NFAT5: variants seen among roughly 807,000 people sequenced by gnomAD.
NFAT5 encodes the protein nuclear factor of activated T-cells 5.
NFAT5 carries 31 observed loss-of-function variants against 166.5 expected under a neutral mutation model. That is an observed-to-expected ratio of 0.19 (90% confidence interval 0.14 to 0.25). The LOEUF (loss-of-function observed/expected upper bound fraction) is 0.25. Ranked by LOEUF, NFAT5 falls within the 10% of genes least tolerant of loss-of-function variation. NFAT5 has a pLI of 1.00. For missense variants in NFAT5, 1,449 were observed against 1,821.8 expected (o/e 0.80, Z 3.72); for synonymous variants, 612 against 639.7 (o/e 0.96, Z 0.65).
chr16:69,625,578 AT>A (rs1412394254), intron 2 of NFAT5, among the ~76,000 whole-genome samples: 1 of 150,376 alleles, frequency 6.6e-6, no homozygotes, highest in African/African-American at 2.4e-5. Flanking sequence ...CTTTGATTAG[AT>A]TGATTTATTT....
chr16:69,585,617 T>C (rs2032006776), intron 2 of NFAT5, among the ~76,000 whole-genome samples: 1 of 152,132 alleles, frequency 6.6e-6, no homozygotes, highest in African/African-American at 2.4e-5. Flanking sequence ...CAAAATGTGG[T>C]ATATAAGTAC....
chr16:69,690,824 C>T lies in NFAT5; in HGVS notation c.1775-116C>T, dbSNP rs2037516364. 3.8e-6 allele frequency: 3 copies of T among 792,702 alleles called. No individual in the cohort carries two copies. The South Asian group carries it at 7.8e-5, about 21-fold the overall frequency. The allele number at this position is 792,702 out of a possible 1,614,324, so 49.1% of individuals were successfully genotyped here. A position where few individuals can be genotyped will look rare whatever the true frequency, so the allele number is the denominator to read the frequency against. On this transcript the variant is annotated intron_variant, in intron 11 of 14. Transcript: ENST00000349945. ...ATACCAGGTTTGTATCTCATGCTAC[C>T]ATTGTAGCATCAAAAAAATAGACAT...
chr16:69,619,001 T>C (rs2034082385), intron 2 of NFAT5, among the ~76,000 whole-genome samples: 1 of 152,224 alleles, frequency 6.6e-6, no homozygotes. Flanking sequence ...TTTACGGAGC[T>C]TTTTTCCCCG....
chr16:69,648,644 G>T, intron 4 of NFAT5: 1 of 970,450 alleles, frequency 1.0e-6, no homozygotes. Context: ...AATTCCTTTA[G>T]TAATTTTATT....
intron 2 of NFAT5, among the ~76,000 whole-genome samples, chr16:69,595,073 T>C (rs1260189405): frequency 6.6e-6 from 1 of 152,188 alleles, no homozygotes; most frequent in African/African-American, 2.4e-5. Flanking sequence ...CCCAGTCCAC[T>C]GACTCAAATG....
intron 4 of NFAT5, among the ~76,000 whole-genome samples, chr16:69,648,031 C>T (rs1020197698): frequency 1.3e-5 from 2 of 151,806 alleles, no homozygotes; most frequent in South Asian, 2.1e-4. Flanking sequence ...AAAAATTAGC[C>T]GGGCATTGTG....
At chr16:69,596,418 G>T (rs555656609) in intron 2 of NFAT5, among the ~76,000 whole-genome samples, 1 of 152,172 alleles carries the variant, frequency 6.6e-6, no homozygotes, top group East Asian at 1.9e-4. Context: ...AGAAGAGCTA[G>T]TCTTAAAAAA....
At position 69,655,758 on chromosome 16, in the gene NFAT5, T is replaced by C. The variant is rs1197842605; in HGVS notation, c.1155T>C (p.Val385=). The change falls in exon 6 of 15, where the codon GTT becomes GTC. Residue 385 remains valine (V), a synonymous_variant. Transcript: ENST00000349945. The part of the protein sequence containing the change: ...CKEVDIEGTT[V]IEVGLDPSNN... The stretch of plus-strand genomic sequence containing the variant: ...AAGTGGACATTGAAGGCACTACTGT[T>C]ATAGAAGTCGGCCTTGATCCTAGCA... The C allele has an allele frequency of 1.2e-6, 2 of 1,613,704 alleles. No homozygotes were observed. Among genetic ancestry groups the C allele is most frequent in the Non-Finnish European group, 1.7e-6 (2 of 1,179,842 alleles).
chr16:69,631,573 A>G (rs966577317), intron 3 of NFAT5, among the ~76,000 whole-genome samples: 3 of 152,108 alleles, frequency 2.0e-5, no homozygotes, highest in African/African-American at 7.2e-5. Context: ...TTATATATTA[A>G]TACTCTTTTT....
At chr16:69,586,643 T>A (rs908309584) in intron 2 of NFAT5, among the ~76,000 whole-genome samples, 1 of 152,118 alleles carries the variant, frequency 6.6e-6, no homozygotes, top group African/African-American at 2.4e-5. Flanking sequence ...CCTCAGGTGA[T>A]CTGCCCACCT....
intron 2 of NFAT5, among the ~76,000 whole-genome samples, chr16:69,576,450 A>C (rs975743863): frequency 6.6e-6 from 1 of 152,200 alleles, no homozygotes; most frequent in Non-Finnish European, 1.5e-5. Flanking sequence ...TATAAACTAC[A>C]TACAAAAATT....
chr16:69,615,068 G>C (rs1182804381), intron 2 of NFAT5, among the ~76,000 whole-genome samples: 1 of 148,772 alleles, frequency 6.7e-6, no homozygotes, highest in South Asian at 2.1e-4. Context: ...TTTTGAGATG[G>C]AGTCTCACTG....
intron 2 of NFAT5, among the ~76,000 whole-genome samples, chr16:69,603,104 T>A (rs925405367): frequency 3.1e-4 from 47 of 152,208 alleles, no homozygotes; most frequent in African/African-American, 1.1e-3. Context: ...TTTTATTTTT[T>A]AAAAAAACAG....
At chr16:69,608,605 A>G (rs1341200132) in intron 2 of NFAT5, among the ~76,000 whole-genome samples, 4 of 150,254 alleles carry the variant, frequency 2.7e-5, no homozygotes, top group Non-Finnish European at 5.9e-5. Flanking sequence ...AAATAAGTAT[A>G]TTGAAAATTA....
At chr16:69,627,713 GT>G (rs1183014782) in intron 3 of NFAT5, among the ~76,000 whole-genome samples, 3 of 152,146 alleles carry the variant, frequency 2.0e-5, no homozygotes, top group Admixed American at 6.5e-5. Flanking sequence ...CCTGTTCACT[GT>G]TCATGTGTTG....
Position 69,655,756 on chromosome 16 carries a change from G to GT in NFAT5, c.1155dup (p.Ile386TyrfsTer6). The GT allele has an allele frequency of 6.2e-7, 1 of 1,613,832 alleles. No individual in the cohort carries two copies. The highest frequency in any genetic ancestry group is 8.5e-7 in the Non-Finnish European group (1 of 1,179,844). ...AGAAGTGGACATTGAAGGCACTACT[G>GT]TTATAGAAGTCGGCCTTGATCCTAG... On this transcript the variant is annotated frameshift_variant, in exon 6 of 15. Coordinates refer to ENST00000349945, the MANE Select transcript of NFAT5 (RefSeq NM_138713.4). LOFTEE classifies it high-confidence loss of function.
In NFAT5 at chr16:69,693,783, G is replaced by C; in HGVS notation, c.3958G>C (p.Glu1320Gln). ...NPNQNPMANQ[E>Q]QQNQSIFHQQ... ...AAATCAAAATCCAATGGCTAATCAG[G>C]AGCAACAGAACCAGTCAATTTTTCA... The change falls in exon 13 of 15, where the codon GAG becomes CAG. Residue 1320 changes from glutamate to glutamine, a missense_variant. Physicochemically the swap from Glu to Gln is conservative, Grantham distance 29. Around this residue, in one of 7 missense-constraint regions of NFAT5, gnomAD observed 891 missense variants for 993.0 expected, o/e 0.90. Transcript: ENST00000349945. The C allele has an allele frequency of 6.2e-7, 1 of 1,614,182 alleles. No homozygotes were observed. The highest frequency in any genetic ancestry group is 1.3e-5 in the African/African-American group (1 of 75,044).
intron 5 of NFAT5, among the ~76,000 whole-genome samples, chr16:69,653,780 G>A (rs144765092): frequency 8.7e-4 from 133 of 152,036 alleles, no homozygotes; most frequent in Middle Eastern, 6.8e-3. Flanking sequence ...CCATGTTGGC[G>A]AGACTGGTCT....
chr16:69,621,851 C>G (rs1597415607), intron 2 of NFAT5, among the ~76,000 whole-genome samples: 1 of 151,988 alleles, frequency 6.6e-6, no homozygotes, highest in African/African-American at 2.4e-5. Flanking sequence ...TGGTCCCAGC[C>G]ACTCGGGAGG....
Sources: gnomAD v4.1 joint callset for allele counts (sites outside exome capture counted in the v4.1 genomes callset) on GRCh38, gnomAD v4.1.1 for gene constraint, gnomAD v4.1.1 regional missense constraint, MANE v1.5 for transcripts, NCBI Gene and HGNC (gene_info 2026-07-23, HGNC 2026-07-21) for gene names.